LRRC9: variants seen among roughly 807,000 people sequenced by gnomAD.
The protein encoded by LRRC9 is leucine rich repeat containing 9.
A neutral mutation model predicts 63.2 loss-of-function variants in LRRC9; 122 were observed. That is an observed-to-expected ratio of 1.93 (90% CI 1.67 to 2.24). The LOEUF (loss-of-function observed/expected upper bound fraction) is 2.24. Among genes scored for constraint, LRRC9 ranks in the 30% most tolerant of loss-of-function variants. The pLI is 0.00. For missense variants in LRRC9, 1,071 were observed against 627.7 expected (o/e 1.71, Z -7.55); for synonymous variants, 366 against 213.1 (o/e 1.72, Z -6.25).
chr14:60,038,174 T>C (rs1434823305), intron 29 of LRRC9, among the ~76,000 whole-genome samples: 1 of 152,212 alleles, frequency 6.6e-6, no homozygotes, highest in Non-Finnish European at 1.5e-5. Context: ...TGTAGCCTTG[T>C]AGTATAGTTT....
In LRRC9 at chr14:59,932,517, C is replaced by T. The variant is rs1156783932; in HGVS notation, c.543+478C>T. ...ATATCTTAATGCAAACTAATTTTTC[C>T]TCTACCAGGCCTTCTCCTGCAGTCT... is the stretch of plus-strand genomic sequence containing the variant. On this transcript the variant is annotated intron_variant, in intron 6 of 31. Coordinates refer to ENST00000445360, the Ensembl canonical transcript of LRRC9. The surrounding 1 kb of genome is among the most constrained non-coding windows in gnomAD (Gnocchi z 4.7). 6.6e-6 allele frequency among the ~76,000 whole-genome samples: 1 copy of T among 152,012 alleles called. No individual in the cohort carries two copies. Among genetic ancestry groups the T allele is most frequent in the Non-Finnish European group, 1.5e-5 (1 of 67,940 alleles).
In LRRC9 at chr14:59,989,455, ATTTC is replaced by A. The variant is rs1887824037; in HGVS notation, c.2211+4234_2211+4237del. Among the ~76,000 whole-genome samples the A allele has an allele frequency of 4.6e-5, 7 of 151,450 alleles. No individual in the cohort carries two copies. The East Asian group carries it at 1.4e-3, about 29-fold the overall frequency. On this transcript the variant is annotated intron_variant, in intron 17 of 31. Coordinates refer to ENST00000445360, the Ensembl canonical transcript of LRRC9. ...CTTGGATATGACTAATTTAGTGTTT[ATTTC>A]TTAAATTATTTTATTATTTCATTTC... is the stretch of plus-strand genomic sequence containing the variant.
At chr14:59,975,739 G>T (rs1371441892) in intron 13 of LRRC9, among the ~76,000 whole-genome samples, 1 of 152,172 alleles carries the variant, frequency 6.6e-6, no homozygotes, top group Non-Finnish European at 1.5e-5. Flanking sequence ...CTATAAACAT[G>T]AAGTATTAAT....
intron 8 of LRRC9, among the ~76,000 whole-genome samples, chr14:59,957,570 G>C (rs945992727): frequency 3.3e-5 from 5 of 152,076 alleles, no homozygotes; most frequent in African/African-American, 1.2e-4. Flanking sequence ...CATTGGGTTA[G>C]AACTTGCTCC....
intron 8 of LRRC9, among the ~76,000 whole-genome samples, chr14:59,957,716 T>C (rs1883915948): frequency 6.6e-6 from 1 of 152,278 alleles, no homozygotes; most frequent in Middle Eastern, 3.4e-3. Context: ...GGCATTCTGG[T>C]TTTTGGAATT....
Position 59,921,713 on chromosome 14 carries a change from T to C in LRRC9, c.-34+1830T>C, listed in dbSNP as rs1467788993. Among the ~76,000 whole-genome samples the C allele has an allele frequency of 2.0e-5, 3 of 150,308 alleles. No homozygotes were observed. The East Asian group carries it at 5.9e-4, about 29-fold the overall frequency. ...AGATGGAGCTTTTTCATGTGGGCAG[T>C]TGGATTTTTTTTTTTTTTTTTTTTT... On this transcript the variant is annotated intron_variant, in intron 1 of 31. Coordinates refer to ENST00000445360, the Ensembl canonical transcript of LRRC9.
At chr14:59,934,729 CT>C (rs1889992223) in intron 6 of LRRC9, among the ~76,000 whole-genome samples, 1 of 152,132 alleles carries the variant, frequency 6.6e-6, no homozygotes, top group African/African-American at 2.4e-5. Flanking sequence ...TACACTAAAT[CT>C]TTAAATCATA....
rs1317702946 is a variant in LRRC9, at chr14:59,964,102, AG to A, written c.1212-2485del. On this transcript the variant is annotated intron_variant, in intron 10 of 31. Transcript: ENST00000445360. This position sits in a 1 kb window ranked among gnomAD's most constrained non-coding sequence, Gnocchi z 4.4. ...TCAGCTGACTCTAAAGGATTTGAAC[AG>A]GAGTTATGATTAGTTTAGAGACCAT... is the stretch of plus-strand genomic sequence containing the variant. 5.9e-5 allele frequency among the ~76,000 whole-genome samples: 9 copies of A among 152,220 alleles called. No homozygotes were observed. Among genetic ancestry groups the A allele is most frequent in the Admixed American group, 5.9e-4 (9 of 15,292 alleles).
At chr14:60,039,606 G>A (rs1413398743) in intron 29 of LRRC9, among the ~76,000 whole-genome samples, 1 of 152,108 alleles carries the variant, frequency 6.6e-6, no homozygotes, top group Non-Finnish European at 1.5e-5. Flanking sequence ...GATCGGTGGT[G>A]ATATCCTGTT....
intron 3 of LRRC9, among the ~76,000 whole-genome samples, chr14:59,929,056 G>A (rs1258351089): frequency 1.3e-5 from 2 of 151,910 alleles, no homozygotes; most frequent in Non-Finnish European, 2.9e-5. Context: ...TGCAACAAAA[G>A]CAAAAATGGA....
chr14:60,013,477 T>C (rs1361748724), intron 23 of LRRC9, among the ~76,000 whole-genome samples: 1 of 152,224 alleles, frequency 6.6e-6, no homozygotes, highest in African/African-American at 2.4e-5. Flanking sequence ...TATCTCCTTA[T>C]TGCAAGTCAA....
intron 13 of LRRC9, among the ~76,000 whole-genome samples, chr14:59,975,249 A>C (rs1886146559): frequency 6.7e-6 from 1 of 148,206 alleles, no homozygotes; most frequent in South Asian, 2.1e-4. Flanking sequence ...TAATTATATA[A>C]TAATTATATA....
At chr14:59,995,223 A>G (rs1888631185) in intron 17 of LRRC9, among the ~76,000 whole-genome samples, 1 of 152,232 alleles carries the variant, frequency 6.6e-6, no homozygotes, top group Non-Finnish European at 1.5e-5. Context: ...AATAAGCTGC[A>G]TGTCTGTCAT....
intron 29 of LRRC9, among the ~76,000 whole-genome samples, chr14:60,033,227 T>G (rs1394618745): frequency 6.6e-6 from 1 of 152,134 alleles, no homozygotes; most frequent in Non-Finnish European, 1.5e-5. Context: ...TTTGTAAATT[T>G]TTTTGGATTT....
chr14:59,928,240 A>G (rs1438583555), intron 2 of LRRC9, 28 bp from the exon 3 acceptor site: 1 of 566,728 alleles, frequency 1.8e-6, no homozygotes. Context: ...AAAATAGGTA[A>G]TGACCAAATT....
chr14:59,954,073 A>G (rs138167187), intron 8 of LRRC9, among the ~76,000 whole-genome samples: 51 of 152,292 alleles, frequency 3.3e-4, no homozygotes, highest in Middle Eastern at 3.4e-3. Flanking sequence ...GCCTTGCAGT[A>G]TAGTTTGAAG....
intron 23 of LRRC9, among the ~76,000 whole-genome samples, chr14:60,013,013 G>T (rs1473831960): frequency 6.6e-6 from 1 of 150,588 alleles, no homozygotes; most frequent in Non-Finnish European, 1.5e-5. Context: ...CAATGTGCAG[G>T]TTCGTTACAT....
In LRRC9 at chr14:59,967,637, A is replaced by G. The variant is rs530245235; in HGVS notation, c.1506+424A>G. ...CTTTATTCTCTACTTCACTATCTCC[A>G]TCTTGCTGCTGATCTTGCTTTATCA... On this transcript the variant is annotated intron_variant, in intron 12 of 31. Coordinates refer to ENST00000445360, the Ensembl canonical transcript of LRRC9. Among the ~76,000 whole-genome samples, 22 of 152,140 alleles carry G rather than the reference A, an allele frequency of 1.4e-4. 1 individual carries two copies. Among genetic ancestry groups the G allele is most frequent in the African/African-American group, 5.1e-4 (21 of 41,502 alleles).
intron 23 of LRRC9, among the ~76,000 whole-genome samples, chr14:60,014,309 A>G (rs1168034771): frequency 6.6e-6 from 1 of 152,124 alleles, no homozygotes; most frequent in Non-Finnish European, 1.5e-5. Flanking sequence ...ATAATTTAGA[A>G]AAATCAAGAA....
Sources: allele counts gnomAD v4.1 joint callset (sites outside exome capture counted in the v4.1 genomes callset), GRCh38; gene constraint gnomAD v4.1.1; non-coding constraint Gnocchi (gnomAD v3.1); transcripts MANE v1.5; gene names NCBI Gene and HGNC (gene_info 2026-07-23, HGNC 2026-07-21).